Variants in PCCA observed in about 807,000 individuals in gnomAD.
PCCA encodes propionyl-CoA carboxylase alpha chain, mitochondrial.
PCCA carries 74 observed loss-of-function variants against 101.3 expected under a neutral mutation model. That is an observed-to-expected ratio of 0.73 (90% CI 0.61 to 0.89). The LOEUF (loss-of-function observed/expected upper bound fraction) is 0.89. Ranked by LOEUF, PCCA falls within the 40% of genes least tolerant of loss-of-function variation. PCCA has a pLI of 0.00. For missense variants in PCCA, 891 were observed against 907.0 expected, an observed-to-expected ratio of 0.98 and a Z score of 0.23; for synonymous variants, 294 against 313.6, an observed-to-expected ratio of 0.94 and a Z score of 0.66.
chr13:100,186,908 T>C (rs1173283304), intron 6 of PCCA, among the ~76,000 whole-genome samples: 1 of 152,204 alleles, frequency 6.6e-6, no homozygotes, highest in Non-Finnish European at 1.5e-5. Context: ...AGTTCAGGGA[T>C]GCTGTGAAGG....
chr13:100,284,279 C>T (rs971045830), intron 12 of PCCA, among the ~76,000 whole-genome samples: 9 of 152,272 alleles, frequency 5.9e-5, no homozygotes, highest in Admixed American at 3.3e-4. Context: ...GATATATTAG[C>T]CAAGGCTGGA....
chr13:100,151,128 A>G lies in PCCA; in HGVS notation c.301-3851A>G. 3 of 1,075,500 alleles carry G rather than the reference A, an allele frequency of 2.8e-6. No homozygotes were observed. In the South Asian group the frequency reaches 4.2e-5, roughly 15 times the overall value. 66.6% of individuals were successfully genotyped at this position (1,075,500 alleles called of 1,614,324 possible). A position where few individuals can be genotyped will look rare whatever the true frequency, so the allele number is the denominator to read the frequency against. ...TACCTGATGGCTGCTGCCAGACGGA[A>G]GAAAAGAAGTTTAATTTATTTTTTA... On this transcript the variant is annotated intron_variant, in intron 4 of 23. Coordinates refer to ENST00000376285, the MANE Select transcript of PCCA (RefSeq NM_000282.4).
At chr13:100,131,229 C>T (rs2050484607) in intron 4 of PCCA, among the ~76,000 whole-genome samples, 1 of 152,150 alleles carries the variant, frequency 6.6e-6, no homozygotes, top group South Asian at 2.1e-4. Flanking sequence ...TCAGATTGAA[C>T]CCTAATCTGG....
intron 21 of PCCA, among the ~76,000 whole-genome samples, chr13:100,462,872 C>T (rs979656715): frequency 6.6e-6 from 1 of 152,082 alleles, no homozygotes; most frequent in Admixed American, 6.5e-5. Context: ...GTGATAAGAA[C>T]GCTAACAGAG....
chr13:100,245,977 A>G (rs2152538534), intron 8 of PCCA, among the ~76,000 whole-genome samples: 1 of 152,368 alleles, frequency 6.6e-6, no homozygotes, highest in Non-Finnish European at 1.5e-5. Context: ...CAACAAAGCC[A>G]TCAGCTAATA....
At chr13:100,233,740 C>T (rs1179287779) in intron 7 of PCCA, among the ~76,000 whole-genome samples, 2 of 152,064 alleles carry the variant, frequency 1.3e-5, no homozygotes, top group Admixed American at 6.6e-5. Context: ...ATTTTTAAGG[C>T]AGCTTGATTT....
intron 18 of PCCA, among the ~76,000 whole-genome samples, chr13:100,348,787 TCTTC>T (rs142274622): frequency 0.011 from 517 of 46,622 alleles, 17 homozygotes; most frequent in Non-Finnish European, 0.015. Flanking sequence ...TTTCTTTCTT[TCTTC>T]CTTCCTTCCT....
At chr13:100,279,393 G>T (rs774544960) in intron 12 of PCCA, among the ~76,000 whole-genome samples, 17 of 152,104 alleles carry the variant, frequency 1.1e-4, no homozygotes, top group Non-Finnish European at 2.1e-4. Flanking sequence ...ATGGGAGCAT[G>T]AACAAAGAAT....
chr13:100,424,499 C>T (rs918606951), intron 19 of PCCA, among the ~76,000 whole-genome samples: 3 of 152,166 alleles, frequency 2.0e-5, no homozygotes, highest in Admixed American at 6.5e-5. Flanking sequence ...AGCCATGCTG[C>T]GCTGTTGCTG....
At chr13:100,425,471 A>G (rs1190199477) in intron 19 of PCCA, among the ~76,000 whole-genome samples, 162 bp from the exon 20 acceptor site, 1 of 152,256 alleles carries the variant, frequency 6.6e-6, no homozygotes, top group African/African-American at 2.4e-5. Context: ...GACTGGGAAG[A>G]CGCTGTTGTT....
At chr13:100,210,383 G>C (rs984498969) in intron 7 of PCCA, among the ~76,000 whole-genome samples, 2 of 152,166 alleles carry the variant, frequency 1.3e-5, no homozygotes, top group Non-Finnish European at 2.9e-5. Context: ...AAAAAATTTG[G>C]TGATTAAAAA....
At chr13:100,189,974 G>A (rs1213058237) in intron 6 of PCCA, among the ~76,000 whole-genome samples, 1 of 152,192 alleles carries the variant, frequency 6.6e-6, no homozygotes, top group Non-Finnish European at 1.5e-5. Flanking sequence ...TCCCTTTAGG[G>A]TTTTGTTATT....
intron 6 of PCCA, among the ~76,000 whole-genome samples, chr13:100,187,475 A>C (rs1056741245): frequency 2.6e-5 from 4 of 152,166 alleles, no homozygotes; most frequent in African/African-American, 9.6e-5. Flanking sequence ...AATACATTAT[A>C]TGAGGTCTGG....
chr13:100,195,182 T>C (rs541878450), intron 6 of PCCA, among the ~76,000 whole-genome samples: 83 of 152,234 alleles, frequency 5.5e-4, no homozygotes, highest in African/African-American at 2.0e-3. Context: ...TCAAAACAAA[T>C]CCTTGTGATC....
rs540141582 is a variant in PCCA at position 100,170,020 on chromosome 13, CT to C, written c.468+12682del. On this transcript the variant is annotated intron_variant, in intron 6 of 23. Coordinates refer to ENST00000376285, the MANE Select transcript of PCCA (RefSeq NM_000282.4). The stretch of plus-strand genomic sequence containing the variant: ...CAGCCTGAACTCATGCTTTTTGATT[CT>C]TCTGTATCACTCAGGCTTTCTGGAG... 8.9e-3 allele frequency among the ~76,000 whole-genome samples: 1,358 copies of C among 152,258 alleles called. 12 individuals are homozygous for C. Among genetic ancestry groups the C allele is most frequent in the Middle Eastern group, 0.014 (4 of 294 alleles).
chr13:100,259,755 T>C (rs2062353056), intron 9 of PCCA, among the ~76,000 whole-genome samples: 1 of 152,220 alleles, frequency 6.6e-6, no homozygotes, highest in African/African-American at 2.4e-5. Flanking sequence ...ATGGCATGAT[T>C]GGGAAACTGA....
intron 18 of PCCA, among the ~76,000 whole-genome samples, chr13:100,346,288 A>G (rs931622050): frequency 2.6e-5 from 4 of 152,348 alleles, no homozygotes; most frequent in South Asian, 4.1e-4. Context: ...TTGTGCTTCA[A>G]TGGGCAAAAT....
intron 19 of PCCA, among the ~76,000 whole-genome samples, chr13:100,398,776 TTTTA>T (rs1226729478): frequency 6.6e-6 from 1 of 152,150 alleles, no homozygotes; most frequent in Non-Finnish European, 1.5e-5. Context: ...GACATGCAAT[TTTTA>T]TTTCTCTTTA....
intron 21 of PCCA, among the ~76,000 whole-genome samples, chr13:100,513,586 G>T (rs531189145): frequency 6.6e-6 from 1 of 152,190 alleles, no homozygotes; most frequent in Non-Finnish European, 1.5e-5. Flanking sequence ...CAGTCTTAGC[G>T]CTTCGTTCAT....
Sources: allele counts gnomAD v4.1 joint callset (sites outside exome capture counted in the v4.1 genomes callset), GRCh38; gene constraint gnomAD v4.1.1; transcripts MANE v1.5; gene names NCBI Gene and HGNC (gene_info 2026-07-23, HGNC 2026-07-21).